NUAK1: variants seen among roughly 807,000 people sequenced by gnomAD.
The protein encoded by NUAK1 is NUAK family SNF1-like kinase 1.
NUAK1 carries 26 observed loss-of-function variants against 56.9 expected under a neutral mutation model. That is an observed-to-expected ratio of 0.46 (90% CI 0.33 to 0.63). The LOEUF (loss-of-function observed/expected upper bound fraction) is 0.63. Among genes scored for constraint, NUAK1 ranks in the 30% least tolerant of loss-of-function variants. The pLI is 0.02. For missense variants in NUAK1, 727 were observed against 876.1 expected, an observed-to-expected ratio of 0.83 and a Z score of 2.15; for synonymous variants, 337 against 336.0, an observed-to-expected ratio of 1.00 and a Z score of -0.03.
At chr12:106,120,747 C>T (rs189771583) in intron 1 of NUAK1, among the ~76,000 whole-genome samples, 162 of 152,294 alleles carry the variant, frequency 1.1e-3, no homozygotes, top group African/African-American at 3.5e-3. Context: ...CAGCCTATGA[C>T]GCAAGATAGC....
chr12:106,092,657 T>C (rs544279951), intron 2 of NUAK1, among the ~76,000 whole-genome samples: 47 of 152,358 alleles, frequency 3.1e-4, no homozygotes, highest in African/African-American at 1.1e-3. Flanking sequence ...TTATCCATTC[T>C]ACTGTTGATA....
intron 3 of NUAK1, 97 bp from the exon 4 acceptor site, chr12:106,084,026 G>T: frequency 9.4e-7 from 1 of 1,058,266 alleles, no homozygotes; most frequent in Non-Finnish European, 1.5e-6. Flanking sequence ...GGAAATGTCT[G>T]ACAGATTAAA....
rs1377143948 is a variant in NUAK1, at chr12:106,067,714, A to T, written c.1074T>A (p.Ser358=). 1 of 1,614,156 alleles carries T rather than the reference A, an allele frequency of 6.2e-7. No individual in the cohort carries two copies. Among genetic ancestry groups the T allele is most frequent in the African/African-American group, 1.3e-5 (1 of 75,038 alleles). Residue 358 remains serine (S), a synonymous_variant, in exon 7 of 7, where the codon TCT becomes TCA. Transcript: ENST00000261402. The surrounding 1 kb of genome is among the most constrained non-coding windows in gnomAD (Gnocchi z 6.0). ...ACCGCTGCCGCTCTAGCATGACCTC[A>T]GAGGTCGTGGGTTTGGCCAGGCCCT... ...KMKGLAKPTT[S]EVMLERQRSL...
At chr12:106,080,172 C>T (rs2032501350) in intron 4 of NUAK1, among the ~76,000 whole-genome samples, 1 of 152,230 alleles carries the variant, frequency 6.6e-6, no homozygotes, top group African/African-American at 2.4e-5. Flanking sequence ...GTTTCTATCT[C>T]ATCTTGGCCC....
At chr12:106,068,898 T>C (rs1448765583) in intron 6 of NUAK1, among the ~76,000 whole-genome samples, 1 of 152,198 alleles carries the variant, frequency 6.6e-6, no homozygotes, top group African/African-American at 2.4e-5. Flanking sequence ...GAAACACCCC[T>C]GAAAAGTACC....
At chr12:106,083,798 G>A (rs1592851032) in intron 4 of NUAK1, 66 bp downstream of exon 4, 1 of 1,432,160 alleles carries the variant, frequency 7.0e-7, no homozygotes, top group Non-Finnish European at 9.9e-7. Flanking sequence ...GCTTGGAGCA[G>A]GTTAAGCCTC....
intron 4 of NUAK1, among the ~76,000 whole-genome samples, chr12:106,081,880 G>A (rs1163399115): frequency 3.9e-5 from 6 of 152,182 alleles, no homozygotes; most frequent in African/African-American, 1.4e-4. Context: ...GGAAGGATCT[G>A]GAGAGGAAGT....
intron 1 of NUAK1, among the ~76,000 whole-genome samples, chr12:106,121,250 C>T (rs1455207038): frequency 3.9e-5 from 6 of 152,164 alleles, no homozygotes; most frequent in Non-Finnish European, 8.8e-5. Context: ...CATCACTCCC[C>T]GTCACAGAGT....
intron 4 of NUAK1, among the ~76,000 whole-genome samples, chr12:106,078,970 C>A (rs2032489392): frequency 6.6e-6 from 1 of 152,186 alleles, no homozygotes; most frequent in South Asian, 2.1e-4. Context: ...AAGCATGGAC[C>A]AAACAGTGCC....
intron 4 of NUAK1, among the ~76,000 whole-genome samples, chr12:106,083,251 G>A (rs1358603303): frequency 6.6e-6 from 1 of 152,176 alleles, no homozygotes; most frequent in Non-Finnish European, 1.5e-5. Context: ...GAGACAGGGT[G>A]GAGAGTGACA....
At chr12:106,130,903 G>T (rs1218841933) in intron 1 of NUAK1, among the ~76,000 whole-genome samples, 2 of 152,168 alleles carry the variant, frequency 1.3e-5, no homozygotes, top group South Asian at 2.1e-4. Context: ...CATAAAAGAA[G>T]AACTATTGTG....
chr12:106,072,614 T>C, intron 5 of NUAK1, 110 bp downstream of exon 5: 1 of 1,253,820 alleles, frequency 8.0e-7, no homozygotes. Context: ...TTTTCCTTGC[T>C]GGCTTTTTTA....
chr12:106,104,456 A>G (rs1328206750), intron 2 of NUAK1, among the ~76,000 whole-genome samples: 6 of 152,242 alleles, frequency 3.9e-5, no homozygotes, highest in African/African-American at 7.2e-5. Context: ...TTCACTGAAC[A>G]GAGTGCTTAA....
chr12:106,116,291 G>T (rs1375402079), intron 1 of NUAK1, among the ~76,000 whole-genome samples: 1 of 152,116 alleles, frequency 6.6e-6, no homozygotes, highest in Non-Finnish European at 1.5e-5. Context: ...TCTTTTACTT[G>T]CTCACCTTTC....
chr12:106,093,347 A>T (rs2032656418), intron 2 of NUAK1, among the ~76,000 whole-genome samples: 1 of 152,042 alleles, frequency 6.6e-6, no homozygotes, highest in South Asian at 2.1e-4. Flanking sequence ...TTTGCTGTTT[A>T]TTTTCCATTT....
intron 2 of NUAK1, among the ~76,000 whole-genome samples, chr12:106,101,801 G>A (rs2032751623): frequency 6.6e-6 from 1 of 152,202 alleles, no homozygotes; most frequent in South Asian, 2.1e-4. Context: ...GATAAAAGGA[G>A]ACCAGATGTG....
chr12:106,091,461 T>C (rs1338261436), intron 2 of NUAK1, among the ~76,000 whole-genome samples: 3 of 152,100 alleles, frequency 2.0e-5, no homozygotes, highest in Non-Finnish European at 4.4e-5. Context: ...AAAGAAGACT[T>C]TTCCCAGTTT....
At chr12:106,121,866 C>T (rs2032979940) in intron 1 of NUAK1, among the ~76,000 whole-genome samples, 1 of 152,184 alleles carries the variant, frequency 6.6e-6, no homozygotes, top group Admixed American at 6.5e-5. Flanking sequence ...AAAACACACA[C>T]ACATGCACAC....
chr12:106,132,549 T>C (rs2033089295), intron 1 of NUAK1, among the ~76,000 whole-genome samples: 1 of 152,214 alleles, frequency 6.6e-6, no homozygotes, highest in South Asian at 2.1e-4. Flanking sequence ...CATTTTTGTC[T>C]GCAGGCAGGG....
Sources: allele counts gnomAD v4.1 joint callset (sites outside exome capture counted in the v4.1 genomes callset), GRCh38; gene constraint gnomAD v4.1.1; non-coding constraint Gnocchi (gnomAD v3.1); transcripts MANE v1.5; gene names NCBI Gene and HGNC (gene_info 2026-07-23, HGNC 2026-07-21).